CHD7: variants seen among roughly 807,000 people sequenced by gnomAD.
CHD7 encodes chromodomain helicase DNA binding protein 7, also known as ATP-dependent chromatin remodeler CHD7.
In CHD7, 24 loss-of-function variants were observed where a neutral mutation model predicts 307.3. The ratio of observed to expected loss-of-function variants is 0.08; its 90% CI spans 0.06 to 0.11. The LOEUF (loss-of-function observed/expected upper bound fraction) is 0.11, where lower values mean the gene tolerates loss of function less well. CHD7 is among the 10% of genes least tolerant of loss of function. CHD7 has a pLI of 1.00. For synonymous variants in CHD7, 1,363 were observed against 1,349.9 expected (o/e 1.01, Z -0.21); for missense variants, 3,106 against 3,727.1 (o/e 0.83, Z 4.34).
At chr8:60,720,648 G>T (rs1807852826) in intron 1 of CHD7, among the ~76,000 whole-genome samples, 1 of 152,156 alleles carries the variant, frequency 6.6e-6, no homozygotes, top group African/African-American at 2.4e-5. Flanking sequence ...TCTCCGTTCT[G>T]GTAGAGAGAG....
chr8:60,690,614 A>T (rs1362482812), intron 1 of CHD7, among the ~76,000 whole-genome samples: 1 of 152,216 alleles, frequency 6.6e-6, no homozygotes, highest in African/African-American at 2.4e-5. Context: ...AAACTGTCTT[A>T]TATGCTGTCA....
intron 8 of CHD7, among the ~76,000 whole-genome samples, chr8:60,818,198 T>C (rs780925651): frequency 6.6e-5 from 10 of 152,246 alleles, no homozygotes; most frequent in Non-Finnish European, 1.5e-4. Flanking sequence ...ATGGCTGTAC[T>C]GCTTTGAGAT....
At chr8:60,800,577 AATT>A in intron 5 of CHD7, 52 bp downstream of exon 5, 2 of 1,550,714 alleles carry the variant, frequency 1.3e-6, no homozygotes, top group South Asian at 2.5e-5. Flanking sequence ...ATGGACTAGA[AATT>A]TCATTGCTGC....
Position 60,860,913 on chromosome 8 carries a change from G to A in CHD7, c.7618G>A (p.Glu2540Lys). The A allele has an allele frequency of 1.2e-6, 2 of 1,612,920 alleles. No individual in the cohort carries two copies. Among genetic ancestry groups the A allele is most frequent in the Non-Finnish European group, 1.7e-6 (2 of 1,179,200 alleles). ...TGTGAACTTTCTGCAGGAGGATGCT[G>A]AGGTGACCAAAGCTTTTGAAGAAGA... ...KRTSLSAEDA[E>K]VTKAFEEDIE... The change falls in exon 35 of 38, where the codon GAG (glutamate) becomes AAG (lysine). Residue 2540 changes from glutamate to lysine, a missense_variant. Glu to Lys is a moderately conservative substitution (Grantham distance 56). Coordinates refer to ENST00000423902, the MANE Select transcript of CHD7 (RefSeq NM_017780.4).
chr8:60,780,880 GA>G, intron 2 of CHD7, 119 bp from the exon 3 acceptor site: 5 of 1,269,394 alleles, frequency 3.9e-6, no homozygotes, highest in Non-Finnish European at 5.1e-6. Context: ...TGTATAGTTG[GA>G]AAAATATTTG....
intron 1 of CHD7, among the ~76,000 whole-genome samples, chr8:60,720,731 G>A (rs1807858155): frequency 6.6e-6 from 1 of 152,178 alleles, no homozygotes; most frequent in Admixed American, 6.5e-5. Flanking sequence ...TACCAGCAGT[G>A]GCTCCTTGGC....
intron 1 of CHD7, among the ~76,000 whole-genome samples, chr8:60,690,957 C>T (rs775066628): frequency 6.6e-6 from 1 of 152,218 alleles, no homozygotes; most frequent in Admixed American, 6.5e-5. Flanking sequence ...CGGAGTCCTG[C>T]TCTGTCTCAC....
At position 60,781,007 on chromosome 8, in the gene CHD7, C is replaced by A. The variant is rs777480283; in HGVS notation, c.1673C>A (p.Pro558Gln). Reference sequence around the variant, plus strand: ...CCTATTTGTGTCTCTCAGCATTCCCCGTCGGAGCCCTTTCTAGAGAAACCA... The same window carrying A: ...CCTATTTGTGTCTCTCAGCATTCCCAGTCGGAGCCCTTTCTAGAGAAACCA... ...PQKVPVHQHS[P>Q]SEPFLEKPVP... is the part of the protein sequence containing the mutation. Residue 558 changes from proline (P) to glutamine (Q), a missense_variant, in exon 3 of 38, where the codon CCG (proline) becomes CAG (glutamine). Physicochemically the swap from Pro to Gln is moderately conservative, Grantham distance 76 (BLOSUM62 -1). Transcript: ENST00000423902. 6.4e-7 allele frequency: 1 copy of A among 1,551,284 alleles called. No homozygotes were observed. The highest frequency in any genetic ancestry group is 1.3e-5 in the South Asian group (1 of 79,400).
At chr8:60,784,987 T>G (rs1285674462) in intron 3 of CHD7, among the ~76,000 whole-genome samples, 3 of 152,198 alleles carry the variant, frequency 2.0e-5, no homozygotes, top group African/African-American at 7.2e-5. Flanking sequence ...AAATATTCGT[T>G]GCTAATATTG....
At chr8:60,856,302 A>T in intron 33 of CHD7, 100 bp downstream of exon 33, 1 of 1,243,798 alleles carries the variant, frequency 8.0e-7, no homozygotes, top group Non-Finnish European at 1.1e-6. Flanking sequence ...TAGAAATAAG[A>T]TAGCTGCTGT....
At position 60,760,245 on chromosome 8, in the gene CHD7, A is replaced by G. The variant is rs563838020; in HGVS notation, c.1665+17148A>G. The stretch of plus-strand genomic sequence containing the variant: ...AGTTAGTACTTTATAGACCTTAAAA[A>G]TATTCCCTATTTAATAAATGGTGCT... On this transcript the variant is annotated intron_variant, in intron 2 of 37. Transcript: ENST00000423902. Among the ~76,000 whole-genome samples the G allele has an allele frequency of 5.3e-5, 8 of 152,328 alleles. No individual in the cohort carries two copies. In the East Asian group the frequency reaches 1.3e-3, roughly 26 times the overall value.
chr8:60,844,513 G>C (rs968825448), intron 21 of CHD7, among the ~76,000 whole-genome samples: 6 of 152,140 alleles, frequency 3.9e-5, no homozygotes, highest in African/African-American at 1.4e-4. Flanking sequence ...ACATCAAAAT[G>C]TACTAATCAT....
chr8:60,822,838 A>T (rs1234177280), intron 12 of CHD7, 92 bp downstream of exon 12: 2 of 1,206,128 alleles, frequency 1.7e-6, no homozygotes, highest in African/African-American at 3.1e-5. Flanking sequence ...GGGAAGGTCT[A>T]AATTTTGCCA....
At chr8:60,761,284 T>C (rs972445439) in intron 2 of CHD7, among the ~76,000 whole-genome samples, 1 of 136,824 alleles carries the variant, frequency 7.3e-6, no homozygotes, top group African/African-American at 2.8e-5. Flanking sequence ...TAGGTGGGAA[T>C]TGAACAATGA....
At chr8:60,821,730 A>T in intron 9 of CHD7, 60 bp from the exon 10 acceptor site, 1 of 1,408,182 alleles carries the variant, frequency 7.1e-7, no homozygotes, top group South Asian at 1.3e-5. Context: ...ACACATATAT[A>T]TGTATATGTA....
chr8:60,764,374 G>A (rs1810369107), intron 2 of CHD7, among the ~76,000 whole-genome samples: 1 of 152,128 alleles, frequency 6.6e-6, no homozygotes, highest in Admixed American at 6.5e-5. Context: ...AAGCCATTTT[G>A]AATTAAAAAG....
chr8:60,703,157 T>G (rs1373974678), intron 1 of CHD7, among the ~76,000 whole-genome samples: 1 of 152,168 alleles, frequency 6.6e-6, no homozygotes, highest in African/African-American at 2.4e-5. Flanking sequence ...CCTCCTTCCT[T>G]TTTCTTATTG....
chr8:60,780,559 C>T, intron 2 of CHD7, among the ~76,000 whole-genome samples: 1 of 152,208 alleles, frequency 6.6e-6, no homozygotes, highest in East Asian at 1.9e-4. Context: ...TTGCAATGTT[C>T]AGTATACTTG....
intron 2 of CHD7, among the ~76,000 whole-genome samples, chr8:60,779,265 C>G (rs542517805): frequency 5.5e-4 from 84 of 152,284 alleles, no homozygotes; most frequent in African/African-American, 2.0e-3. Context: ...AGGGCCTGGA[C>G]TTGAATTTTA....
Sources: gnomAD v4.1 joint callset for allele counts (sites outside exome capture counted in the v4.1 genomes callset) on GRCh38, gnomAD v4.1.1 for gene constraint, MANE v1.5 for transcripts, NCBI Gene and HGNC (gene_info 2026-07-23, HGNC 2026-07-21) for gene names.